Variants in DYSF observed in about 807,000 individuals in gnomAD.
The protein encoded by DYSF is dystrophy-associated fer-1-like 1.
Under a neutral mutation model 274.9 loss-of-function variants are expected in DYSF, and 212 were observed. The ratio of observed to expected loss-of-function variants is 0.77; its 90% CI spans 0.69 to 0.86. The LOEUF is 0.86. Ranked by LOEUF, DYSF falls within the 40% of genes least tolerant of loss-of-function variation. DYSF has a pLI of 0.00. For missense variants in DYSF, 2,666 were observed against 2,783.2 expected (o/e 0.96, Z 0.95); for synonymous variants, 1,091 against 1,078.7 (o/e 1.01, Z -0.22).
rs2085167737 is a variant in DYSF at position 71,503,248 on chromosome 2, G to A, written c.274G>A (p.Val92Ile). Reference protein sequence around the residue: ...LGEAKVPLREVLATPSLSASF... With the variant: ...LGEAKVPLREILATPSLSASF... ...GGAAGCCAAGGTCCCACTCCGAGAGGTCCTCGCCACCCCTAGTCTGTCCGC... is the reference window on the plus strand; with the variant it reads ...GGAAGCCAAGGTCCCACTCCGAGAGATCCTCGCCACCCCTAGTCTGTCCGC... The change falls in exon 4 of 56, where the codon GTC becomes ATC. Residue 92 changes from valine to isoleucine, a missense_variant. Transcript: ENST00000410020. 1.2e-6 allele frequency: 2 copies of A among 1,613,958 alleles called. No individual in the cohort carries two copies. Among genetic ancestry groups the A allele is most frequent in the Admixed American group, 1.7e-5 (1 of 60,008 alleles).
chr2:71,562,823 C>T (rs1559164703), intron 23 of DYSF, among the ~76,000 whole-genome samples: 1 of 152,150 alleles, frequency 6.6e-6, no homozygotes, highest in Non-Finnish European at 1.5e-5. Flanking sequence ...CTGTGTCGCT[C>T]AGCTGTGGAC....
chr2:71,472,488 G>C (rs1036991915), intron 1 of DYSF, among the ~76,000 whole-genome samples: 6 of 152,064 alleles, frequency 3.9e-5, no homozygotes, highest in African/African-American at 1.4e-4. Context: ...CTCACTGCAA[G>C]CTCTGCCTCC....
rs954110158 is a variant in DYSF at position 71,614,457 on chromosome 2, C to T, written c.4464+1047C>T. On this transcript the variant is annotated intron_variant, in intron 40 of 55. Transcript: ENST00000410020. The stretch of plus-strand genomic sequence containing the variant: ...CTCTCCAGGGTTCTGCCCTGCCAGC[C>T]TTTCTGCTGGGAAGACCTCCTGCCC... 3.1e-4 allele frequency among the ~76,000 whole-genome samples: 47 copies of T among 152,242 alleles called. 1 individual carries two copies. The highest frequency in any genetic ancestry group is 2.6e-3 in the Admixed American group (40 of 15,292).
chr2:71,676,121 A>G (rs948976040), intron 52 of DYSF, among the ~76,000 whole-genome samples: 1 of 152,008 alleles, frequency 6.6e-6, no homozygotes, highest in Non-Finnish European at 1.5e-5. Flanking sequence ...TGTGAGTAAC[A>G]CCCTCGGCAT....
intron 36 of DYSF, 34 bp from the exon 37 acceptor site, chr2:71,611,211 C>T (rs750653561): frequency 6.6e-7 from 1 of 1,525,434 alleles, no homozygotes; most frequent in Non-Finnish European, 9.1e-7. Flanking sequence ...CTTCCTTCCA[C>T]CTTTGTCTCC....
chr2:71,589,288 G>A (rs781643779), intron 30 of DYSF, among the ~76,000 whole-genome samples: 2 of 152,186 alleles, frequency 1.3e-5, no homozygotes. Context: ...ATTCTCCCCT[G>A]GAGAGCCCCT....
At chr2:71,550,396 T>C (rs537040334) in intron 17 of DYSF, among the ~76,000 whole-genome samples, 3 of 151,818 alleles carry the variant, frequency 2.0e-5, no homozygotes, top group Admixed American at 2.0e-4. Flanking sequence ...TGTTAAAAAA[T>C]TGTTCTTTGT....
intron 11 of DYSF, 119 bp downstream of exon 11, chr2:71,520,327 G>C: frequency 1.8e-6 from 2 of 1,134,358 alleles, no homozygotes; most frequent in Non-Finnish European, 2.7e-6. Flanking sequence ...GGAAGGGTTT[G>C]ATCTTGGGAG....
chr2:71,456,117 A>C (rs1455330678), intron 1 of DYSF, among the ~76,000 whole-genome samples: 27 of 140,472 alleles, frequency 1.9e-4, no homozygotes, highest in African/African-American at 2.4e-4. Flanking sequence ...TCCTCTCCCC[A>C]CCCCCATCTG....
At chr2:71,598,791 A>T (rs766468692) in intron 33 of DYSF, 46 bp downstream of exon 33, 1 of 1,601,184 alleles carries the variant, frequency 6.2e-7, no homozygotes. Flanking sequence ...GGGAGGGACC[A>T]TGTGCAAAGG....
At chr2:71,537,218 GTTTTGTTTTTTTTTT>G (rs1163079958) in intron 16 of DYSF, among the ~76,000 whole-genome samples, 1 of 47,704 alleles carries the variant, frequency 2.1e-5, no homozygotes, top group African/African-American at 6.3e-5. Flanking sequence ...TTACTTTCTA[GTTTTGTTTTTTTTTT>G]TTTTTTTTTT....
At chr2:71,613,979 G>T (rs1007568182) in intron 40 of DYSF, among the ~76,000 whole-genome samples, 1 of 152,206 alleles carries the variant, frequency 6.6e-6, no homozygotes, top group African/African-American at 2.4e-5. Context: ...CTCCAGCCCT[G>T]GGGGAGGTAG....
chr2:71,462,278 G>T (rs886828742), upstream of DYSF, among the ~76,000 whole-genome samples: 1 of 152,170 alleles, frequency 6.6e-6, no homozygotes, highest in African/African-American at 2.4e-5. Context: ...GCTGGTACAG[G>T]CACTGGCTCT....
chr2:71,622,000 A>G (rs2094113833), intron 41 of DYSF, among the ~76,000 whole-genome samples: 1 of 151,536 alleles, frequency 6.6e-6, no homozygotes, highest in African/African-American at 2.4e-5. Context: ...TGTCACATGA[A>G]CATTCGTAAA....
intron 35 of DYSF, 152 bp downstream of exon 35, chr2:71,601,680 G>C: frequency 9.8e-7 from 1 of 1,022,260 alleles, no homozygotes; most frequent in East Asian, 2.6e-5. Flanking sequence ...GGCCCGGGCT[G>C]GAGGGAGCTC....
chr2:71,459,398 G>T (rs908975614), intron 1 of DYSF, among the ~76,000 whole-genome samples: 1 of 152,174 alleles, frequency 6.6e-6, no homozygotes, highest in Non-Finnish European at 1.5e-5. Flanking sequence ...AATAAGTAGT[G>T]ACAGGGGTCA....
intron 40 of DYSF, among the ~76,000 whole-genome samples, chr2:71,619,900 G>A (rs1396892297): frequency 1.3e-5 from 2 of 152,200 alleles, no homozygotes; most frequent in African/African-American, 4.8e-5. Context: ...ACAGTACAGG[G>A]AGATTGATTC....
chr2:71,649,662 G>C (rs1481900802), intron 42 of DYSF, among the ~76,000 whole-genome samples: 1 of 151,878 alleles, frequency 6.6e-6, no homozygotes, highest in African/African-American at 2.4e-5. Context: ...CCCACACACA[G>C]AAAGTGGACC....
chr2:71,650,317 C>CA (rs1249834635), intron 42 of DYSF, among the ~76,000 whole-genome samples: 1 of 151,960 alleles, frequency 6.6e-6, no homozygotes, highest in African/African-American at 2.4e-5. Context: ...TCTGTCTCTA[C>CA]AAAAAATACA....
Sources: gnomAD v4.1 joint callset for allele counts (sites outside exome capture counted in the v4.1 genomes callset) on GRCh38, gnomAD v4.1.1 for gene constraint, MANE v1.5 for transcripts, NCBI Gene and HGNC (gene_info 2026-07-23, HGNC 2026-07-21) for gene names.